Variants in LRFN5 observed in about 807,000 individuals in gnomAD.
LRFN5 encodes leucine-rich repeat and fibronectin type-III domain-containing protein 5.
LRFN5 carries 24 observed loss-of-function variants against 45.6 expected under a neutral mutation model. That is an observed-to-expected ratio of 0.53 (90% CI 0.38 to 0.74). LRFN5 has a LOEUF of 0.74. Among genes scored for constraint, LRFN5 ranks in the 30% least tolerant of loss-of-function variants. The probability of loss-of-function intolerance (pLI) is 0.00; values close to 1 mark genes in which losing one functional copy is unlikely to be tolerated. For synonymous variants in LRFN5, 340 were observed against 313.8 expected, an observed-to-expected ratio of 1.08 and a Z score of -0.88; for missense variants, 776 against 861.5, an observed-to-expected ratio of 0.90 and a Z score of 1.24.
intron 1 of LRFN5, among the ~76,000 whole-genome samples, chr14:41,722,162 A>G (rs1236259125): frequency 2.6e-5 from 4 of 152,054 alleles, no homozygotes; most frequent in Non-Finnish European, 5.9e-5. Flanking sequence ...CAGTCTAGTA[A>G]TAAGTGTTTC....
At chr14:41,896,185 A>C (rs1219253924) in intron 4 of LRFN5, among the ~76,000 whole-genome samples, 1 of 152,216 alleles carries the variant, frequency 6.6e-6, no homozygotes, top group Non-Finnish European at 1.5e-5. Flanking sequence ...AATAGTTTAA[A>C]AATCCATAAA....
chr14:41,730,771 A>T, intron 1 of LRFN5, among the ~76,000 whole-genome samples: 1 of 151,792 alleles, frequency 6.6e-6, no homozygotes, highest in Non-Finnish European at 1.5e-5. Context: ...TATCTGTATG[A>T]TTTTATTAAA....
At chr14:41,831,447 T>C (rs2139034066) in intron 2 of LRFN5, among the ~76,000 whole-genome samples, 1 of 152,300 alleles carries the variant, frequency 6.6e-6, no homozygotes, top group East Asian at 1.9e-4. Flanking sequence ...CACAGATATA[T>C]AATATAAACA....
intron 2 of LRFN5, among the ~76,000 whole-genome samples, chr14:41,862,480 T>C (rs1367363762): frequency 6.6e-6 from 1 of 152,194 alleles, no homozygotes; most frequent in Non-Finnish European, 1.5e-5. Flanking sequence ...AATTCCTTCT[T>C]TTTTTTCGTG....
chr14:41,634,638 G>A (rs922414872), intron 1 of LRFN5, among the ~76,000 whole-genome samples: 5 of 152,126 alleles, frequency 3.3e-5, no homozygotes, highest in Non-Finnish European at 7.4e-5. Context: ...TCAGGGCTTG[G>A]TTAACTATAA....
chr14:41,810,076 T>C (rs1283972716), intron 2 of LRFN5, among the ~76,000 whole-genome samples: 1 of 152,102 alleles, frequency 6.6e-6, no homozygotes, highest in East Asian at 1.9e-4. Context: ...ATTAACATTA[T>C]AATTAGTGTT....
chr14:41,653,462 A>G (rs768917149), intron 1 of LRFN5, among the ~76,000 whole-genome samples: 2 of 152,122 alleles, frequency 1.3e-5, no homozygotes, highest in Non-Finnish European at 2.9e-5. Context: ...TGAGAAATAA[A>G]TTTCTGTTTT....
chr14:41,883,840 C>A (rs1313536525), intron 2 of LRFN5, among the ~76,000 whole-genome samples: 1 of 152,088 alleles, frequency 6.6e-6, no homozygotes, highest in African/African-American at 2.4e-5. Flanking sequence ...TAACATTCAA[C>A]AAATTGTTTG....
chr14:41,903,634 G>A (rs542580308), intron 5 of LRFN5, among the ~76,000 whole-genome samples: 1 of 151,756 alleles, frequency 6.6e-6, no homozygotes, highest in Non-Finnish European at 1.5e-5. Flanking sequence ...AAGAGTTATT[G>A]TAAGTTTTCC....
intron 1 of LRFN5, among the ~76,000 whole-genome samples, chr14:41,723,640 A>C (rs1883814492): frequency 6.6e-6 from 1 of 152,026 alleles, no homozygotes; most frequent in African/African-American, 2.4e-5. Context: ...CCAGGTCCCC[A>C]AGCTGACTCT....
At chr14:41,892,578 T>C (rs894888023) in intron 4 of LRFN5, 23 of 980,624 alleles carry the variant, frequency 2.3e-5, no homozygotes, top group Non-Finnish European at 2.8e-5. Context: ...ATGGTAATAG[T>C]GTTTCCTTTG....
At chr14:41,828,570 G>A (rs1160729883) in intron 2 of LRFN5, among the ~76,000 whole-genome samples, 1 of 151,818 alleles carries the variant, frequency 6.6e-6, no homozygotes, top group Non-Finnish European at 1.5e-5. Flanking sequence ...TTTTCTCCAT[G>A]TAGTATTCCT....
At chr14:41,893,670 C>A in intron 4 of LRFN5, 1 of 985,206 alleles carries the variant, frequency 1.0e-6, no homozygotes, top group Non-Finnish European at 1.2e-6. Context: ...AAAGCCACAT[C>A]TTCTGATACA....
At position 41,756,865 on chromosome 14, in the gene LRFN5, GT is replaced by G. The variant is rs1261227526; in HGVS notation, c.-196-9983del. On this transcript the variant is annotated intron_variant, in intron 1 of 5. Coordinates refer to ENST00000298119, the MANE Select transcript of LRFN5 (RefSeq NM_152447.5). ...TTAGAGTTTCCAGTTTTTCTGCTCT[GT>G]TTTTTCCGCATCTTTGTGGTTTTAT... Among the ~76,000 whole-genome samples, 4 of 152,132 alleles carry G rather than the reference GT, an allele frequency of 2.6e-5. No homozygotes were observed. The East Asian group carries it at 7.7e-4, about 29-fold the overall frequency.
chr14:41,704,406 TTTTCTC>T (rs1882963675), intron 1 of LRFN5, among the ~76,000 whole-genome samples: 1 of 98,028 alleles, frequency 1.0e-5, no homozygotes, highest in Non-Finnish European at 1.9e-5. Flanking sequence ...ATTGTTATAC[TTTTCTC>T]TCTCTCTCTC....
intron 1 of LRFN5, among the ~76,000 whole-genome samples, chr14:41,661,595 T>C (rs934034812): frequency 6.6e-6 from 1 of 152,096 alleles, no homozygotes; most frequent in African/African-American, 2.4e-5. Flanking sequence ...CTAATACTCA[T>C]AGTCCTTATG....
At chr14:41,781,634 G>GAAAGA (rs1178832208) in intron 2 of LRFN5, among the ~76,000 whole-genome samples, 10 of 115,012 alleles carry the variant, frequency 8.7e-5, no homozygotes, top group African/African-American at 3.5e-4. Context: ...AAGAAAGAAA[G>GAAAGA]GAAAGAAAGA....
chr14:41,779,282 G>T (rs1886400339), intron 2 of LRFN5, among the ~76,000 whole-genome samples: 1 of 151,524 alleles, frequency 6.6e-6, no homozygotes, highest in Non-Finnish European at 1.5e-5. Context: ...AGCTTGTGAT[G>T]GATTACCCTG....
At chr14:41,621,514 A>G (rs1888135841) in intron 1 of LRFN5, among the ~76,000 whole-genome samples, 1 of 152,164 alleles carries the variant, frequency 6.6e-6, no homozygotes, top group Non-Finnish European at 1.5e-5. Flanking sequence ...TGAGACCTAC[A>G]GGTGAACAAT....
Sources: gnomAD v4.1 joint callset for allele counts (sites outside exome capture counted in the v4.1 genomes callset) on GRCh38, gnomAD v4.1.1 for gene constraint, MANE v1.5 for transcripts, NCBI Gene and HGNC (gene_info 2026-07-23, HGNC 2026-07-21) for gene names.